ETFA: variants seen among roughly 807,000 people sequenced by gnomAD.
ETFA encodes the protein electron transfer flavoprotein subunit alpha.
In ETFA, 22 loss-of-function variants were observed where a neutral mutation model predicts 46.2. That is an observed-to-expected ratio of 0.48 (90% CI 0.34 to 0.68). ETFA has a LOEUF of 0.68. Ranked by LOEUF, ETFA falls within the 30% of genes least tolerant of loss-of-function variation. The pLI is 0.01. For missense variants in ETFA, 345 were observed against 401.1 expected (o/e 0.86, Z 1.19); for synonymous variants, 131 against 139.9 (o/e 0.94, Z 0.45).
intron 7 of ETFA, chr15:76,284,978 A>G: frequency 5.9e-6 from 2 of 336,224 alleles, no homozygotes; most frequent in South Asian, 4.3e-5. Context: ...ATCACTTCAA[A>G]ATATTAATTT....
rs1351662991 is a variant in ETFA, at chr15:76,216,589, A to G, written c.972T>C (p.Pro324=). The change falls in exon 12 of 12, where the codon CCT becomes CCC. Residue 324 remains proline (P), a synonymous_variant. Transcript: ENST00000557943. ...GIVADLFKVV[P]EMTEILKKK ...TTTTCTTCAATATCTCAGTCATTTCAGGAACTACCTGCAAATAAAAACAAA... is the reference window on the plus strand; with the variant it reads ...TTTTCTTCAATATCTCAGTCATTTCGGGAACTACCTGCAAATAAAAACAAA... 17 of 1,589,470 alleles carry G rather than the reference A, an allele frequency of 1.1e-5. No individual in the cohort carries two copies. Among genetic ancestry groups the G allele is most frequent in the Non-Finnish European group, 1.4e-5 (16 of 1,157,570 alleles).
chr15:76,270,643 G>A (rs982465511), intron 9 of ETFA, among the ~76,000 whole-genome samples: 7 of 152,106 alleles, frequency 4.6e-5, no homozygotes, highest in Non-Finnish European at 8.8e-5. Context: ...AGAAAGGACT[G>A]GTTCCAGAGA....
chr15:76,237,371 T>A (rs938716060), intron 9 of ETFA, among the ~76,000 whole-genome samples: 3 of 152,184 alleles, frequency 2.0e-5, no homozygotes, highest in Non-Finnish European at 4.4e-5. Flanking sequence ...GAAGGATTTA[T>A]AACCTCAAAC....
intron 1 of ETFA, among the ~76,000 whole-genome samples, chr15:76,311,070 C>G (rs1203992768): frequency 6.6e-6 from 1 of 152,192 alleles, no homozygotes; most frequent in Non-Finnish European, 1.5e-5. Flanking sequence ...TGGGAAACGG[C>G]AGGGCAGAGA....
chr15:76,279,050 C>G (rs1318974995), intron 8 of ETFA, among the ~76,000 whole-genome samples: 1 of 152,168 alleles, frequency 6.6e-6, no homozygotes, highest in African/African-American at 2.4e-5. Flanking sequence ...TATGAAGTCC[C>G]CCTGTTGGCC....
At chr15:76,272,222 C>CTTTT (rs561675037) in intron 9 of ETFA, among the ~76,000 whole-genome samples, 16 of 137,306 alleles carry the variant, frequency 1.2e-4, no homozygotes, top group Non-Finnish European at 9.5e-5. Flanking sequence ...TTCTTTCTTT[C>CTTTT]TTTTTTTTTT....
chr15:76,264,873 C>A (rs2039454316), intron 9 of ETFA, among the ~76,000 whole-genome samples: 1 of 152,326 alleles, frequency 6.6e-6, no homozygotes, highest in Middle Eastern at 3.4e-3. Context: ...AAAGGAAAAA[C>A]CACTACCATC....
intron 9 of ETFA, among the ~76,000 whole-genome samples, chr15:76,262,474 C>CCTT (rs1288079854): frequency 2.7e-4 from 23 of 84,728 alleles, no homozygotes; most frequent in African/African-American, 8.6e-4. Flanking sequence ...ATCAAACCCC[C>CCTT]TTTTTTTTTT....
chr15:76,284,744 G>A (rs920287522), intron 7 of ETFA: 9 of 198,862 alleles, frequency 4.5e-5, no homozygotes, highest in African/African-American at 1.2e-4. Context: ...CACCCGCCTC[G>A]GCTTCCCAAA....
At chr15:76,262,411 T>C (rs1463888922) in intron 9 of ETFA, among the ~76,000 whole-genome samples, 1 of 151,406 alleles carries the variant, frequency 6.6e-6, no homozygotes, top group Non-Finnish European at 1.5e-5. Flanking sequence ...TTTAAGAAGC[T>C]TGCTATCTGA....
intron 11 of ETFA, among the ~76,000 whole-genome samples, chr15:76,224,949 C>T (rs769632228): frequency 2.2e-4 from 34 of 152,038 alleles, no homozygotes; most frequent in Non-Finnish European, 4.0e-4. Context: ...ATGGGAAGGT[C>T]AAATATGGAG....
chr15:76,230,328 G>T (rs1314718698), intron 10 of ETFA: 1 of 61,214 alleles, frequency 1.6e-5, no homozygotes, highest in Non-Finnish European at 3.3e-5. Context: ...CCGGGTTCAC[G>T]CCATTCTCCT....
intron 9 of ETFA, among the ~76,000 whole-genome samples, chr15:76,264,909 G>A (rs2039454677): frequency 6.6e-6 from 1 of 152,206 alleles, no homozygotes; most frequent in African/African-American, 2.4e-5. Context: ...CCTGGTGTAT[G>A]TCCCTGGTGT....
At chr15:76,261,471 C>G in intron 9 of ETFA, 1 of 908,740 alleles carries the variant, frequency 1.1e-6, no homozygotes. Context: ...CCTTCACCCA[C>G]TGGATGTCAG....
chr15:76,262,968 G>A (rs935032609), intron 9 of ETFA, among the ~76,000 whole-genome samples: 1 of 152,166 alleles, frequency 6.6e-6, no homozygotes, highest in South Asian at 2.1e-4. Flanking sequence ...GAATAGATGT[G>A]TCAGGACGGC....
rs1567215013 is a variant in ETFA at position 76,283,800 on chromosome 15, G to T, written c.690C>A (p.Asn230Lys). The change falls in exon 8 of 12, where the codon AAC becomes AAA. Residue 230 changes from asparagine (N) to lysine (K), a missense_variant. By Grantham distance (94) the Asn-to-Lys change is moderately conservative. Transcript: ENST00000557943. ...SGGRGLKSGENFKLLYDLADQ... is the reference protein window; with the variant it reads ...SGGRGLKSGEKFKLLYDLADQ... ...CTGCCAAGTCATATAACAACTTAAA[G>T]TTCTCTCCACTCTTCAAGCCTCGAC... 1.9e-6 allele frequency: 3 copies of T among 1,611,382 alleles called. No homozygotes were observed. The highest frequency in any genetic ancestry group is 1.7e-6 in the Non-Finnish European group (2 of 1,178,234).
chr15:76,256,253 C>T (rs1322822912), intron 9 of ETFA, among the ~76,000 whole-genome samples: 12 of 135,614 alleles, frequency 8.8e-5, no homozygotes, highest in East Asian at 4.1e-4. Context: ...AGTGAGACTC[C>T]GTCTCAAGGA....
chr15:76,275,498 A>G (rs146536879), intron 8 of ETFA, among the ~76,000 whole-genome samples: 109 of 152,286 alleles, frequency 7.2e-4, no homozygotes, highest in Non-Finnish European at 3.4e-4. Context: ...TTTTATATTT[A>G]AAGTGGGTTT....
At position 76,292,437 on chromosome 15, in the gene ETFA, G is replaced by C; in HGVS notation, c.345C>G (p.Phe115Leu). 6.2e-7 allele frequency: 1 copy of C among 1,611,538 alleles called. No homozygotes were observed. Residue 115 changes from phenylalanine to leucine, a missense_variant, in exon 4 of 12, where the codon TTC becomes TTG. Physicochemically the swap from Phe to Leu is conservative, Grantham distance 22 (BLOSUM62 0). Transcript: ENST00000557943. ...ACATTCTCAACCTTCTCACCTTTCCGAAGGCAGATGCTCCAGCACAGATGT... is the reference window on the plus strand; with the variant it reads ...ACATTCTCAACCTTCTCACCTTTCCCAAGGCAGATGCTCCAGCACAGATGT... ...YTHICAGASA[F>L]GKNLLPRVAA...
Sources: gnomAD v4.1 joint callset for allele counts (sites outside exome capture counted in the v4.1 genomes callset) on GRCh38, gnomAD v4.1.1 for gene constraint, MANE v1.5 for transcripts, NCBI Gene and HGNC (gene_info 2026-07-23, HGNC 2026-07-21) for gene names.